The following CORO2B variants were observed in gnomAD, a reference collection of about 807,000 sequenced individuals.
CORO2B encodes the protein coronin 2B.
A neutral mutation model predicts 58.8 loss-of-function variants in CORO2B; 26 were observed. That is an observed-to-expected ratio of 0.44 (90% CI 0.32 to 0.61). The LOEUF (loss-of-function observed/expected upper bound fraction) is 0.61. Ranked by LOEUF, CORO2B falls within the 20% of genes least tolerant of loss-of-function variation. The pLI, the probability that CORO2B is intolerant of heterozygous loss-of-function variation, is 0.04. For synonymous variants in CORO2B, 242 were observed against 253.8 expected, an observed-to-expected ratio of 0.95 and a Z score of 0.44; for missense variants, 460 against 645.1, an observed-to-expected ratio of 0.71 and a Z score of 3.11.
the CORO2B span, among the ~76,000 whole-genome samples, chr15:68,567,384 G>T: frequency 1.3e-5 from 2 of 152,216 alleles, no homozygotes; most frequent in African/African-American, 2.4e-5. Context: ...AGGACAAAGG[G>T]GGTCTGACTA....
At chr15:68,588,875 G>A (rs985889862) in intron 1 of CORO2B, among the ~76,000 whole-genome samples, 3 of 152,090 alleles carry the variant, frequency 2.0e-5, no homozygotes, top group Non-Finnish European at 2.9e-5. Context: ...GGTTATGCCT[G>A]CCCTGCTGAC....
At chr15:68,609,418 G>A (rs1900195882) in intron 1 of CORO2B, among the ~76,000 whole-genome samples, 1 of 152,208 alleles carries the variant, frequency 6.6e-6, no homozygotes, top group Non-Finnish European at 1.5e-5. Flanking sequence ...GGCTGTGGCT[G>A]TGCAGGCTTT....
chr15:68,691,638 A>AAAAAG (rs1567010523), intron 2 of CORO2B, among the ~76,000 whole-genome samples: 1 of 149,590 alleles, frequency 6.7e-6, no homozygotes, highest in East Asian at 2.0e-4. Context: ...AAAAAAAAAA[A>AAAAAG]AAAAAAAAGA....
At chr15:68,653,206 G>C (rs1446961984) in intron 2 of CORO2B, among the ~76,000 whole-genome samples, 1 of 152,142 alleles carries the variant, frequency 6.6e-6, no homozygotes, top group Non-Finnish European at 1.5e-5. Context: ...TTGGCCCACC[G>C]ACCCACCCAT....
chr15:68,567,258 T>C, the CORO2B span, among the ~76,000 whole-genome samples: 1 of 152,240 alleles, frequency 6.6e-6, no homozygotes, highest in Admixed American at 6.5e-5. Flanking sequence ...AGCACATAAA[T>C]TGTATTAGTT....
chr15:68,703,158 T>C (rs1359994371), intron 3 of CORO2B, among the ~76,000 whole-genome samples: 2 of 143,102 alleles, frequency 1.4e-5, no homozygotes, highest in Admixed American at 7.0e-5. Flanking sequence ...TTCTTTTTTT[T>C]TTTTTTTTTT....
intron 1 of CORO2B, among the ~76,000 whole-genome samples, chr15:68,633,537 A>ACACACACT (rs1900921917): frequency 6.6e-6 from 1 of 151,790 alleles, no homozygotes; most frequent in African/African-American, 2.4e-5. Flanking sequence ...ACACACACAC[A>ACACACACT]CACACACACT....
intron 1 of CORO2B, among the ~76,000 whole-genome samples, chr15:68,596,838 G>A (rs1358103384): frequency 2.0e-5 from 3 of 152,134 alleles, no homozygotes; most frequent in African/African-American, 7.2e-5. Flanking sequence ...CGCGCATCAC[G>A]CAGAGCACTC....
At chr15:68,620,598 C>G (rs191385264) in intron 1 of CORO2B, among the ~76,000 whole-genome samples, 2 of 152,194 alleles carry the variant, frequency 1.3e-5, no homozygotes, top group African/African-American at 4.8e-5. Context: ...CACCTGGTCC[C>G]GCATCTTGCT....
At chr15:68,663,206 T>C (rs7169952) in intron 2 of CORO2B, among the ~76,000 whole-genome samples, 132,207 of 152,214 alleles carry the variant, frequency 0.87, 58,655 homozygotes, top group East Asian at 1. Flanking sequence ...GGAGATCTTT[T>C]CACATCAAAT....
At chr15:68,590,489 A>C (rs1231476157) in intron 1 of CORO2B, among the ~76,000 whole-genome samples, 1 of 151,892 alleles carries the variant, frequency 6.6e-6, no homozygotes, top group Non-Finnish European at 1.5e-5. Context: ...GGAAGGGGCA[A>C]ACTGGGCCAT....
At chr15:68,627,723 C>CAT (rs1414196898) in intron 1 of CORO2B, among the ~76,000 whole-genome samples, 1 of 152,082 alleles carries the variant, frequency 6.6e-6, no homozygotes, top group Non-Finnish European at 1.5e-5. Flanking sequence ...TTAGGTGACT[C>CAT]AGTTATTTGC....
chr15:68,705,436 C>CAAAAAAAAAAAAAAA (rs35973911), intron 3 of CORO2B, among the ~76,000 whole-genome samples: 39 of 112,776 alleles, frequency 3.5e-4, no homozygotes, highest in African/African-American at 1.3e-3. Flanking sequence ...AACTCTATCT[C>CAAAAAAAAAAAAAAA]AAAAAAAAAA....
At chr15:68,568,508 C>T in the CORO2B span, among the ~76,000 whole-genome samples, 7 of 152,072 alleles carry the variant, frequency 4.6e-5, no homozygotes, top group East Asian at 1.9e-4. Flanking sequence ...TAGCTGAGGA[C>T]ACTGGGACCC....
intron 11 of CORO2B, 25 bp from the exon 12 acceptor site, chr15:68,725,818 G>GA (rs755065728): frequency 6.2e-7 from 1 of 1,612,392 alleles, no homozygotes; most frequent in South Asian, 1.1e-5. Context: ...GGCCCTCCTT[G>GA]GCCCCCTCTC....
chr15:68,688,331 G>A (rs977491313), intron 2 of CORO2B, among the ~76,000 whole-genome samples: 23 of 151,810 alleles, frequency 1.5e-4, no homozygotes, highest in African/African-American at 2.4e-4. Flanking sequence ...TTTTAGATAG[G>A]GATCCTTTTA....
At chr15:68,552,047 T>A in the CORO2B span, among the ~76,000 whole-genome samples, 4 of 152,062 alleles carry the variant, frequency 2.6e-5, no homozygotes, top group African/African-American at 4.8e-5. Flanking sequence ...GAAGGGGCTT[T>A]GGTCATCAGC....
intron 2 of CORO2B, among the ~76,000 whole-genome samples, chr15:68,670,058 G>GAA (rs34793532): frequency 3.6e-4 from 51 of 141,890 alleles, no homozygotes; most frequent in African/African-American, 6.5e-4. Flanking sequence ...CTCTGTCTCA[G>GAA]AAAAAAAAAA....
the CORO2B span, among the ~76,000 whole-genome samples, chr15:68,537,678 T>C: frequency 4.6e-5 from 7 of 152,142 alleles, no homozygotes; most frequent in African/African-American, 1.7e-4. Flanking sequence ...CAGTGTGTGT[T>C]GTTCCCCTCC....
Sources: allele counts gnomAD v4.1 joint callset (sites outside exome capture counted in the v4.1 genomes callset), GRCh38; gene constraint gnomAD v4.1.1; transcripts MANE v1.5; gene names NCBI Gene and HGNC (gene_info 2026-07-23, HGNC 2026-07-21).